STS: variants seen among roughly 807,000 people sequenced by gnomAD.
STS encodes the protein steroid sulfatase.
A neutral mutation model predicts 26.8 loss-of-function variants in STS; 7 were observed. The observed-to-expected ratio is 0.26, with a 90% CI of 0.15 to 0.49. The LOEUF (loss-of-function observed/expected upper bound fraction) is 0.49, where lower values mean the gene tolerates loss of function less well. STS is among the 20% of genes least tolerant of loss of function. The pLI, the probability that STS is intolerant of heterozygous loss-of-function variation, is 0.98. For synonymous variants in STS, 199 were observed against 189.4 expected, an observed-to-expected ratio of 1.05 and a Z score of -0.42; for missense variants, 434 against 465.6, an observed-to-expected ratio of 0.93 and a Z score of 0.63.
intron 7 of STS, among the ~76,000 whole-genome samples, chrX:7,288,639 CGTGTGTGTGTGTGTGTGTGT>C (rs58375124): frequency 3.3e-5 from 3 of 89,558 alleles, no homozygotes; most frequent in Non-Finnish European, 4.5e-5. Context: ...AAATTCTGTA[CGTGTGTGTGTGTGTGTGTGT>C]GTGTGTGTGT....
chrX:7,176,691 T>G (rs1453123622), intron 1 of STS, among the ~76,000 whole-genome samples: 2 of 110,945 alleles, frequency 1.8e-5, no homozygotes, highest in African/African-American at 6.6e-5. Flanking sequence ...GAGAACCGAG[T>G]GAAGGAGGAA....
intron 2 of STS, among the ~76,000 whole-genome samples, chrX:7,232,755 C>T (rs1207577084): frequency 8.9e-6 from 1 of 111,808 alleles, no homozygotes; most frequent in African/African-American, 3.3e-5. Context: ...GCTGTGTCCC[C>T]ACCACAAATC....
Position 7,350,500 on chromosome X carries a change from G to A in STS, c.*239G>A. The A allele has an allele frequency of 4.6e-6, 2 of 432,758 alleles. No individual in the cohort carries two copies. The highest frequency in any genetic ancestry group is 4.0e-6 in the Non-Finnish European group (1 of 251,876). The allele number at this position is 432,758 out of a possible 1,213,427, so 35.7% of individuals were successfully genotyped here. A position where few individuals can be genotyped will look rare whatever the true frequency, so the allele number is the denominator to read the frequency against. The stretch of plus-strand genomic sequence containing the variant: ...GGTAGGTTTATGCCTTCTGTGGCCA[G>A]AGTCTTGGACTCATGGAAATAGAAT... On this transcript the variant is annotated 3_prime_UTR_variant, in exon 11 of 11. Coordinates refer to ENST00000674429, the MANE Select transcript of STS (RefSeq NM_001320752.2).
At chrX:7,340,814 A>C (rs1484496124) in intron 10 of STS, among the ~76,000 whole-genome samples, 2 of 111,886 alleles carry the variant, frequency 1.8e-5, no homozygotes, top group African/African-American at 6.5e-5. Flanking sequence ...CTTCATCTTC[A>C]TGGTGAATGA....
At position 7,255,962 on chromosome X, in the gene STS, A is replaced by G. The variant is rs538424813; in HGVS notation, c.138-1280A>G. ...GTATACTCCCACCCTACAGGCAGCCATCTTGAAGGGGAGCACAATTAGCCA... is the reference window on the plus strand; with the variant it reads ...GTATACTCCCACCCTACAGGCAGCCGTCTTGAAGGGGAGCACAATTAGCCA... On this transcript the variant is annotated intron_variant, in intron 3 of 10. Transcript: ENST00000674429. Among the ~76,000 whole-genome samples, 73 of 112,333 alleles carry G rather than the reference A, an allele frequency of 6.5e-4. 1 individual carries two copies. The South Asian group carries it at 0.025, about 39-fold the overall frequency.
Position 7,350,052 on chromosome X carries a change from C to T in STS, c.1528C>T (p.Leu510=), listed in dbSNP as rs1928724948. 8.3e-7 allele frequency: 1 copy of T among 1,210,316 alleles called. No individual in the cohort carries two copies. Among genetic ancestry groups the T allele is most frequent in the East Asian group, 3.0e-5 (1 of 33,770 alleles). The change falls in exon 11 of 11, where the codon CTA becomes TTA. Residue 510 remains leucine (L), a synonymous_variant. Transcript: ENST00000674429. ...ISKDPRERNP[L]TPASEPRFYE... is the part of the protein sequence containing the mutation. ...CAAAGATCCCAGAGAGAGAAACCCA[C>T]TAACTCCAGCATCCGAGCCCCGGTT...
At chrX:7,332,843 T>C (rs1363072966) in intron 9 of STS, among the ~76,000 whole-genome samples, 1 of 111,917 alleles carries the variant, frequency 8.9e-6, no homozygotes. Context: ...GAACCTTGGT[T>C]TGAGAAGTGA....
intron 2 of STS, among the ~76,000 whole-genome samples, chrX:7,199,694 C>T (rs1188067661): frequency 1.8e-5 from 2 of 110,995 alleles, no homozygotes; most frequent in Non-Finnish European, 3.8e-5. Flanking sequence ...TTCCAGTATT[C>T]AGAGTGGGGG....
At chrX:7,183,967 A>G (rs1201895498) in intron 1 of STS, among the ~76,000 whole-genome samples, 3 of 111,092 alleles carry the variant, frequency 2.7e-5, no homozygotes, top group African/African-American at 9.8e-5. Context: ...ATGCCACTGC[A>G]TTCTAGCCTG....
At chrX:7,215,535 T>C (rs1228852366) in intron 2 of STS, among the ~76,000 whole-genome samples, 1 of 110,932 alleles carries the variant, frequency 9.0e-6, no homozygotes, top group Non-Finnish European at 1.9e-5. Context: ...CTGGCCTGGA[T>C]TGGAATCTTT....
intron 1 of STS, among the ~76,000 whole-genome samples, chrX:7,188,535 G>A (rs951487687): frequency 1.8e-5 from 2 of 111,671 alleles, no homozygotes; most frequent in East Asian, 2.8e-4. Flanking sequence ...AAATGTCCTC[G>A]GAACGTGGGC....
intron 1 of STS, among the ~76,000 whole-genome samples, chrX:7,190,386 T>C (rs1264817282): frequency 9.0e-6 from 1 of 111,559 alleles, no homozygotes; most frequent in Non-Finnish European, 1.9e-5. Flanking sequence ...TGATGGAGAA[T>C]GGCTGTAAAT....
chrX:7,204,775 C>T (rs1779001465), intron 2 of STS, among the ~76,000 whole-genome samples: 1 of 103,450 alleles, frequency 9.7e-6, no homozygotes, highest in African/African-American at 3.5e-5. Context: ...CTCCTTTCTC[C>T]CTCTTTCCTC....
At chrX:7,258,921 C>CAA (rs1303533980) in intron 5 of STS, among the ~76,000 whole-genome samples, 2 of 101,039 alleles carry the variant, frequency 2.0e-5, no homozygotes, top group Non-Finnish European at 2.1e-5. Flanking sequence ...AAAAAAAAAA[C>CAA]AAACTTGTAT....
intron 8 of STS, among the ~76,000 whole-genome samples, chrX:7,306,773 TC>T (rs774235867): frequency 8.9e-6 from 1 of 112,164 alleles, no homozygotes; most frequent in Admixed American, 9.4e-5. Flanking sequence ...CTGCTTTCTT[TC>T]CCCTTCTGTC....
chrX:7,237,135 G>C (rs1412063373), intron 2 of STS, among the ~76,000 whole-genome samples: 1 of 104,574 alleles, frequency 9.6e-6, no homozygotes, highest in Non-Finnish European at 1.9e-5. Context: ...CACCAATTTT[G>C]TTTAGATAAG....
Position 7,257,500 on chromosome X carries a change from C to G in STS, c.294C>G (p.Leu98=). 1 of 1,212,164 alleles carries G rather than the reference C, an allele frequency of 8.2e-7. No homozygotes were observed. Among genetic ancestry groups the G allele is most frequent in the Non-Finnish European group, 1.1e-6 (1 of 895,526 alleles). ...MASWSRTGVF[L]FTASSGGLPT... Reference sequence around the variant, plus strand: ...CTTGGTCCCGCACTGGAGTTTTCCTCTTCACAGCCTCTTCGGGAGGACTTC... The same window carrying G: ...CTTGGTCCCGCACTGGAGTTTTCCTGTTCACAGCCTCTTCGGGAGGACTTC... The change falls in exon 5 of 11, where the codon CTC becomes CTG. Residue 98 remains leucine (L), a synonymous_variant. Coordinates refer to ENST00000674429, the MANE Select transcript of STS (RefSeq NM_001320752.2).
chrX:7,230,720 A>C (rs1193954437), intron 2 of STS, among the ~76,000 whole-genome samples: 1 of 110,940 alleles, frequency 9.0e-6, no homozygotes, highest in Non-Finnish European at 1.9e-5. Context: ...ATGAGATCTC[A>C]TGAGAGCTCA....
At chrX:7,256,576 C>T (rs917361264) in intron 3 of STS, among the ~76,000 whole-genome samples, 2 of 111,372 alleles carry the variant, frequency 1.8e-5, no homozygotes, top group Non-Finnish European at 3.8e-5. Flanking sequence ...TCAGATTGAC[C>T]CTGGAGATTT....
Sources: allele counts gnomAD v4.1 joint callset (sites outside exome capture counted in the v4.1 genomes callset), GRCh38; gene constraint gnomAD v4.1.1; transcripts MANE v1.5; gene names NCBI Gene and HGNC (gene_info 2026-07-23, HGNC 2026-07-21).